The following LYST variants were observed in gnomAD, a reference collection of about 807,000 sequenced individuals.
LYST encodes the protein lysosomal-trafficking regulator.
LYST carries 192 observed loss-of-function variants against 413.6 expected under a neutral mutation model. That is an observed-to-expected ratio of 0.46 (90% CI 0.41 to 0.52). The LOEUF (loss-of-function observed/expected upper bound fraction) is 0.52, where lower values mean the gene tolerates loss of function less well. Among genes scored for constraint, LYST ranks in the 20% least tolerant of loss-of-function variants. LYST has a pLI of 0.00. For synonymous variants in LYST, 1,525 were observed against 1,567.3 expected (o/e 0.97, Z 0.64); for missense variants, 3,815 against 4,499.9 (o/e 0.85, Z 4.35).
intron 50 of LYST, among the ~76,000 whole-genome samples, chr1:235,668,555 T>C (rs889141903): frequency 1.3e-5 from 2 of 152,206 alleles, no homozygotes; most frequent in Non-Finnish European, 1.5e-5. Context: ...ACTAGTGAGT[T>C]GGTAATTGCA....
intron 1 of LYST, among the ~76,000 whole-genome samples, chr1:235,862,848 C>CACACA (rs36022107): frequency 1.4e-5 from 2 of 146,394 alleles, no homozygotes; most frequent in South Asian, 4.3e-4. Flanking sequence ...CACACACACA[C>CACACA]CCCTTCAAGA....
intron 38 of LYST, among the ~76,000 whole-genome samples, chr1:235,727,746 C>T (rs951810102): frequency 1.3e-5 from 2 of 151,938 alleles, no homozygotes; most frequent in Non-Finnish European, 2.9e-5. Flanking sequence ...GGCAAAGGTA[C>T]TTGATAGTGA....
chr1:235,838,143 T>A (rs1383423762), intron 1 of LYST, among the ~76,000 whole-genome samples: 1 of 152,176 alleles, frequency 6.6e-6, no homozygotes, highest in African/African-American at 2.4e-5. Flanking sequence ...GTGCTTCTAT[T>A]TTCTTGGTGC....
At chr1:235,830,692 T>C (rs143085071) in intron 2 of LYST, among the ~76,000 whole-genome samples, 1 of 152,148 alleles carries the variant, frequency 6.6e-6, no homozygotes, top group Non-Finnish European at 1.5e-5. Flanking sequence ...ATGGAAAACA[T>C]TTTCTCTTTT....
At chr1:235,841,209 C>G (rs1677164747) in intron 1 of LYST, among the ~76,000 whole-genome samples, 1 of 152,114 alleles carries the variant, frequency 6.6e-6, no homozygotes, top group African/African-American at 2.4e-5. Flanking sequence ...TTTCCAATAC[C>G]AGACCGAATA....
At chr1:235,845,005 C>T (rs575391286) in intron 1 of LYST, among the ~76,000 whole-genome samples, 5 of 152,190 alleles carry the variant, frequency 3.3e-5, no homozygotes, top group Admixed American at 1.3e-4. Context: ...GACTAGATTG[C>T]AGCTCTGGAC....
intron 1 of LYST, among the ~76,000 whole-genome samples, chr1:235,863,236 C>CA (rs1309784326): frequency 6.6e-6 from 1 of 151,376 alleles, no homozygotes; most frequent in Non-Finnish European, 1.5e-5. Context: ...GCTAAAAACA[C>CA]AAAAAATCAG....
chr1:235,717,758 G>T (rs1173747493), intron 40 of LYST, among the ~76,000 whole-genome samples: 2 of 151,394 alleles, frequency 1.3e-5, no homozygotes, highest in Non-Finnish European at 2.9e-5. Flanking sequence ...GAAATTAGTT[G>T]TATTAAATGC....
chr1:235,856,195 A>C (rs1679171812), intron 1 of LYST, among the ~76,000 whole-genome samples: 1 of 152,192 alleles, frequency 6.6e-6, no homozygotes, highest in Admixed American at 6.5e-5. Context: ...AAAAGGGTTA[A>C]AGTTAAAGGG....
At chr1:235,667,812 G>A (rs984590915) in intron 50 of LYST, among the ~76,000 whole-genome samples, 2 of 152,036 alleles carry the variant, frequency 1.3e-5, no homozygotes, top group African/African-American at 4.8e-5. Flanking sequence ...ACAGGCGAGT[G>A]CCACCATGTC....
At position 235,664,075 on chromosome 1, in the gene LYST, T is replaced by A. The variant is rs1351091071; in HGVS notation, c.11196-20A>T. ...CATAACCTAGAGGGGAAAAAAATCA[T>A]CTAATTATGCAAACTAAAATTACTC... On this transcript the variant is annotated intron_variant, in intron 51 of 52. Transcript: ENST00000389793. The surrounding 1 kb of genome is among the most constrained non-coding windows in gnomAD (Gnocchi z 4.5). The A allele has an allele frequency of 6.4e-7, 1 of 1,571,540 alleles. No individual in the cohort carries two copies. Among genetic ancestry groups the A allele is most frequent in the South Asian group, 1.1e-5 (1 of 90,198 alleles).
At chr1:235,837,846 G>A (rs891142557) in intron 1 of LYST, among the ~76,000 whole-genome samples, 2 of 151,582 alleles carry the variant, frequency 1.3e-5, no homozygotes, top group African/African-American at 4.9e-5. Flanking sequence ...GGCTTGAGGA[G>A]GACATGAGAT....
chr1:235,811,673 T>C (rs1003789881), intron 4 of LYST, among the ~76,000 whole-genome samples: 4 of 152,276 alleles, frequency 2.6e-5, no homozygotes, highest in Non-Finnish European at 4.4e-5. Flanking sequence ...AGCTGTAATT[T>C]AGAGTGAATA....
In LYST at chr1:235,756,928, T is replaced by C. The variant is rs1459068196; in HGVS notation, c.7059+353A>G. Among the ~76,000 whole-genome samples, 4 of 152,260 alleles carry C rather than the reference T, an allele frequency of 2.6e-5. No individual in the cohort carries two copies. In the East Asian group the frequency reaches 5.8e-4, roughly 22 times the overall value. ...AGTACACTGAAGAAGAGATTTCCAATGAACCACGTATTCCTTGTAATTTTT... is the reference window on the plus strand; with the variant it reads ...AGTACACTGAAGAAGAGATTTCCAACGAACCACGTATTCCTTGTAATTTTT... On this transcript the variant is annotated intron_variant, in intron 24 of 52. Coordinates refer to ENST00000389793, the MANE Select transcript of LYST (RefSeq NM_000081.4).
At chr1:235,852,316 C>T (rs1678636489) in intron 1 of LYST, among the ~76,000 whole-genome samples, 3 of 152,174 alleles carry the variant, frequency 2.0e-5, no homozygotes, top group Admixed American at 2.0e-4. Context: ...TCCCCCAGCC[C>T]CCTGCCTGTC....
At chr1:235,737,122 T>C (rs983394981) in intron 31 of LYST, 2 of 152,176 alleles carry the variant, frequency 1.3e-5, no homozygotes, top group Admixed American at 6.5e-5. Context: ...TAAGTGCTTT[T>C]ATAATACAGT....
intron 50 of LYST, among the ~76,000 whole-genome samples, chr1:235,675,998 G>C (rs1195822576): frequency 6.6e-6 from 1 of 152,176 alleles, no homozygotes; most frequent in Non-Finnish European, 1.5e-5. Context: ...GAAGCAAACA[G>C]TTTTTCAGAG....
intron 28 of LYST, chr1:235,747,122 T>G (rs1360991629): frequency 3.3e-6 from 1 of 299,878 alleles, no homozygotes; most frequent in Non-Finnish European, 6.7e-6. Context: ...GAGAAAGGTT[T>G]CCTCAGACTG....
rs190707719 is a variant in LYST at position 235,778,952 on chromosome 1, C to T, written c.5215-1644G>A. ...CGCATTCTCGGCTCTCTGCAATCTC[C>T]GCCTCCTAGGTTCAAGCGATTCTCC... On this transcript the variant is annotated intron_variant, in intron 16 of 52. Transcript: ENST00000389793. 9.2e-5 allele frequency among the ~76,000 whole-genome samples: 14 copies of T among 151,700 alleles called. No individual in the cohort carries two copies. In the South Asian group the frequency reaches 1.0e-3, roughly 11 times the overall value.
Sources: allele counts gnomAD v4.1 joint callset (sites outside exome capture counted in the v4.1 genomes callset), GRCh38; gene constraint gnomAD v4.1.1; non-coding constraint Gnocchi (gnomAD v3.1); transcripts MANE v1.5; gene names NCBI Gene and HGNC (gene_info 2026-07-23, HGNC 2026-07-21).